Variants in ACTR3 observed in about 807,000 individuals in gnomAD.
The protein encoded by ACTR3 is actin related protein 3, also known as actin-related protein 3.
A neutral mutation model predicts 56.8 loss-of-function variants in ACTR3; 12 were observed. The ratio of observed to expected loss-of-function variants is 0.21; its 90% confidence interval spans 0.14 to 0.34. The LOEUF (loss-of-function observed/expected upper bound fraction) is 0.34, where lower values mean the gene tolerates loss of function less well. ACTR3 is among the 10% of genes least tolerant of loss of function. The pLI is 1.00. For missense variants in ACTR3, 282 were observed against 512.5 expected, an observed-to-expected ratio of 0.55 and a Z score of 4.34; for synonymous variants, 162 against 167.4, an observed-to-expected ratio of 0.97 and a Z score of 0.25.
At chr2:113,893,572 G>A (rs189281101) in intron 1 of ACTR3, among the ~76,000 whole-genome samples, 2 of 152,168 alleles carry the variant, frequency 1.3e-5, no homozygotes, top group African/African-American at 2.4e-5. Context: ...GATTACAGGT[G>A]TGAGCCACCG....
intron 3 of ACTR3, among the ~76,000 whole-genome samples, chr2:113,919,174 A>G (rs1387098397): frequency 6.6e-6 from 1 of 152,236 alleles, no homozygotes; most frequent in African/African-American, 2.4e-5. Flanking sequence ...AAGGCTTTTA[A>G]AAAAGGTAAA....
chr2:113,957,271 T>G, intron 11 of ACTR3, 89 bp from the exon 12 acceptor site: 1 of 899,838 alleles, frequency 1.1e-6, no homozygotes, highest in South Asian at 1.6e-5. Context: ...AACATCTATT[T>G]TAAAGCATCA....
intron 4 of ACTR3, among the ~76,000 whole-genome samples, chr2:113,928,158 G>A (rs538504930): frequency 1.6e-4 from 24 of 151,660 alleles, no homozygotes; most frequent in African/African-American, 5.8e-4. Flanking sequence ...CCCACTCCTC[G>A]CATTGTAGTT....
intron 2 of ACTR3, 31 bp from the exon 3 acceptor site, chr2:113,916,853 A>C (rs753314837): frequency 6.4e-7 from 1 of 1,562,074 alleles, no homozygotes; most frequent in Non-Finnish European, 8.7e-7. Flanking sequence ...GAGGAAAATG[A>C]ATTCTTTGAC....
intron 1 of ACTR3, among the ~76,000 whole-genome samples, chr2:113,911,487 T>C (rs991673522): frequency 5.3e-5 from 8 of 149,576 alleles, no homozygotes; most frequent in Non-Finnish European, 1.5e-5. Context: ...TGGCATGATA[T>C]TGCCTCACTG....
chr2:113,921,377 C>T (rs1679506810), intron 3 of ACTR3, among the ~76,000 whole-genome samples: 1 of 150,206 alleles, frequency 6.7e-6, no homozygotes, highest in Non-Finnish European at 1.5e-5. Context: ...GATGTTAATC[C>T]TCTGTCAGAT....
chr2:113,913,166 T>C lies in ACTR3; in HGVS notation c.45-6T>C. The C allele has an allele frequency of 7.1e-6, 11 of 1,550,432 alleles. No individual in the cohort carries two copies. Among genetic ancestry groups the C allele is most frequent in the Non-Finnish European group, 9.7e-6 (11 of 1,137,320 alleles). On this transcript the variant is annotated splice_polypyrimidine_tract_variant and splice_region_variant and intron_variant, in intron 1 of 11. Coordinates refer to ENST00000263238, the MANE Select transcript of ACTR3 (RefSeq NM_005721.5). ...TGAAATCTTTATAAATTATTTTGTT[T>C]TGCAGGTATACAAAACTAGGATATG...
chr2:113,957,639 G>T lies in ACTR3; in HGVS notation c.*184G>T. On this transcript the variant is annotated 3_prime_UTR_variant, in exon 12 of 12. Coordinates refer to ENST00000263238, the MANE Select transcript of ACTR3 (RefSeq NM_005721.5). ...TGCAGATGTAGAAGAGAGCGAAAGTGATTGTGTTTTTCTTTAGATTGAATA... is the reference window on the plus strand; with the variant it reads ...TGCAGATGTAGAAGAGAGCGAAAGTTATTGTGTTTTTCTTTAGATTGAATA... 2.1e-6 allele frequency: 1 copy of T among 470,156 alleles called. No individual in the cohort carries two copies. Among genetic ancestry groups the T allele is most frequent in the East Asian group, 3.0e-5 (1 of 32,810 alleles). 29.1% of individuals were successfully genotyped at this position (470,156 alleles called of 1,614,324 possible).
At chr2:113,948,579 G>A (rs1305570913) in intron 8 of ACTR3, among the ~76,000 whole-genome samples, 1 of 152,128 alleles carries the variant, frequency 6.6e-6, no homozygotes, top group Non-Finnish European at 1.5e-5. Flanking sequence ...ATAATTTCAA[G>A]TAGGTTGAAA....
chr2:113,939,852 A>G (rs1438791285), intron 6 of ACTR3, 107 bp from the exon 7 acceptor site: 2 of 1,030,624 alleles, frequency 1.9e-6, no homozygotes, highest in Non-Finnish European at 2.8e-6. Context: ...ACTTGAGACT[A>G]TAAATACACT....
chr2:113,936,444 G>A (rs1470884077), intron 6 of ACTR3, among the ~76,000 whole-genome samples: 1 of 150,712 alleles, frequency 6.6e-6, no homozygotes, highest in Non-Finnish European at 1.5e-5. Flanking sequence ...TGCTATATCT[G>A]TTGTCATTTG....
chr2:113,903,325 C>A (rs1016996419), intron 1 of ACTR3, among the ~76,000 whole-genome samples: 5 of 152,098 alleles, frequency 3.3e-5, no homozygotes, highest in Admixed American at 2.6e-4. Context: ...CTCTAAATTT[C>A]TGTCTTTCAC....
chr2:113,913,379 G>T, intron 2 of ACTR3, 152 bp downstream of exon 2: 1 of 523,878 alleles, frequency 1.9e-6, no homozygotes, highest in South Asian at 3.8e-5. Context: ...CCTCATTTTT[G>T]TATGTCTGAC....
chr2:113,936,628 A>G (rs78738555), intron 6 of ACTR3, among the ~76,000 whole-genome samples: 14,093 of 152,210 alleles, frequency 0.093, 1,069 homozygotes, highest in African/African-American at 0.2. Flanking sequence ...TGTGAACTCA[A>G]TAATACATTG....
intron 1 of ACTR3, among the ~76,000 whole-genome samples, chr2:113,905,422 G>A (rs566437604): frequency 1.1e-4 from 17 of 149,600 alleles, no homozygotes; most frequent in South Asian, 4.2e-4. Flanking sequence ...CCGAGATGGC[G>A]CCACGGGACT....
At chr2:113,890,897 T>C (rs1268931386) in intron 1 of ACTR3, 1 of 500,552 alleles carries the variant, frequency 2.0e-6, no homozygotes, top group East Asian at 1.5e-4. Context: ...ACCCACCTTC[T>C]CCTTTCGACT....
At chr2:113,919,028 A>G (rs550611070) in intron 3 of ACTR3, among the ~76,000 whole-genome samples, 3 of 152,358 alleles carry the variant, frequency 2.0e-5, no homozygotes, top group South Asian at 2.1e-4. Flanking sequence ...CCATGTGCCT[A>G]TCATACAACT....
chr2:113,954,290 C>G (rs1680171057), intron 10 of ACTR3: 2 of 148,700 alleles, frequency 1.3e-5, no homozygotes, highest in Admixed American at 1.3e-4. Flanking sequence ...TCAGACTATC[C>G]TGTTTCTCTT....
chr2:113,950,044 A>C (rs1330352233), intron 8 of ACTR3, among the ~76,000 whole-genome samples: 3 of 152,228 alleles, frequency 2.0e-5, no homozygotes, highest in Non-Finnish European at 2.9e-5. Context: ...GAATTAGTGA[A>C]CACTGAGCTA....
Sources: allele counts gnomAD v4.1 joint callset (sites outside exome capture counted in the v4.1 genomes callset), GRCh38; gene constraint gnomAD v4.1.1; transcripts MANE v1.5; gene names NCBI Gene and HGNC (gene_info 2026-07-23, HGNC 2026-07-21).